Variants in LONP2 observed in about 807,000 individuals in gnomAD.
LONP2 encodes lon peptidase 2, peroxisomal, also known as lon protease homolog 2, peroxisomal.
Under a neutral mutation model 85.6 loss-of-function variants are expected in LONP2, and 60 were observed. The ratio of observed to expected loss-of-function variants is 0.70; its 90% CI spans 0.57 to 0.87. LONP2 has a LOEUF of 0.87. Ranked by LOEUF, LONP2 falls within the 40% of genes least tolerant of loss-of-function variation. The probability of loss-of-function intolerance (pLI) is 0.00; values close to 1 mark genes in which losing one functional copy is unlikely to be tolerated. For missense variants in LONP2, 860 were observed against 1,063.5 expected (o/e 0.81, Z 2.66); for synonymous variants, 395 against 389.7 (o/e 1.01, Z -0.16).
intron 8 of LONP2, among the ~76,000 whole-genome samples, chr16:48,293,138 A>T (rs1972590002): frequency 6.6e-6 from 1 of 152,074 alleles, no homozygotes; most frequent in Admixed American, 6.6e-5. Flanking sequence ...AAAGAATAGA[A>T]TTTTTTCCGG....
At chr16:48,272,810 T>C (rs1167398481) in intron 7 of LONP2, among the ~76,000 whole-genome samples, 1 of 152,178 alleles carries the variant, frequency 6.6e-6, no homozygotes, top group Non-Finnish European at 1.5e-5. Context: ...CCCCGTGAAT[T>C]ATTAAAGCCT....
intron 8 of LONP2, among the ~76,000 whole-genome samples, chr16:48,283,506 A>G (rs1972373837): frequency 6.6e-6 from 1 of 152,242 alleles, no homozygotes; most frequent in Admixed American, 6.5e-5. Context: ...AAGGCCCTTA[A>G]GAATGATGCA....
chr16:48,341,496 C>T (rs983759935), intron 12 of LONP2, among the ~76,000 whole-genome samples: 2 of 151,670 alleles, frequency 1.3e-5, no homozygotes, highest in East Asian at 1.9e-4. Flanking sequence ...CTCACTATTG[C>T]GAGGACGACA....
At chr16:48,310,509 G>T (rs1051259677) in intron 11 of LONP2, among the ~76,000 whole-genome samples, 1 of 152,006 alleles carries the variant, frequency 6.6e-6, no homozygotes, top group Non-Finnish European at 1.5e-5. Flanking sequence ...ATGCCACCAT[G>T]CCTGGCTAAT....
At chr16:48,254,532 T>G (rs1971718393) in intron 2 of LONP2, among the ~76,000 whole-genome samples, 1 of 151,336 alleles carries the variant, frequency 6.6e-6, no homozygotes, top group Admixed American at 6.6e-5. Flanking sequence ...CCCGGCTAAC[T>G]TTTTGTGTCT....
At position 48,355,199 on chromosome 16, in the gene LONP2, A is replaced by G. The variant is rs1355418161; in HGVS notation, c.*3397A>G. 1 of 152,074 alleles carries G rather than the reference A, an allele frequency of 6.6e-6. No individual in the cohort carries two copies. The highest frequency in any genetic ancestry group is 1.5e-5 in the Non-Finnish European group (1 of 68,034). The allele number at this position is 152,074 out of a possible 1,614,324, so 9.4% of individuals were successfully genotyped here. On this transcript the variant is annotated 3_prime_UTR_variant, in exon 15 of 15. Transcript: ENST00000285737. ...CTAGATCACATATGCTAAGGTCTGAATGTCCCCCCACCAAATTCGTATGTT... is the reference window on the plus strand; with the variant it reads ...CTAGATCACATATGCTAAGGTCTGAGTGTCCCCCCACCAAATTCGTATGTT...
At chr16:48,328,507 G>A (rs1057506711) in intron 11 of LONP2, among the ~76,000 whole-genome samples, 4 of 151,776 alleles carry the variant, frequency 2.6e-5, no homozygotes, top group Admixed American at 6.6e-5. Context: ...GTGAAACCCC[G>A]TCTCTACTAA....
intron 8 of LONP2, among the ~76,000 whole-genome samples, chr16:48,283,622 T>G (rs1419349744): frequency 6.6e-6 from 1 of 152,202 alleles, no homozygotes; most frequent in African/African-American, 2.4e-5. Flanking sequence ...CTGTTGAAAC[T>G]TACCGTTCAA....
At chr16:48,330,066 T>A (rs1203568786) in intron 11 of LONP2, among the ~76,000 whole-genome samples, 1 of 152,284 alleles carries the variant, frequency 6.6e-6, no homozygotes, top group Non-Finnish European at 1.5e-5. Flanking sequence ...CAGTTTATAC[T>A]TCTGTAAGCA....
At chr16:48,305,086 C>T (rs920404820) in intron 11 of LONP2, among the ~76,000 whole-genome samples, 1 of 152,206 alleles carries the variant, frequency 6.6e-6, no homozygotes, top group African/African-American at 2.4e-5. Flanking sequence ...ACCCCTGCCT[C>T]CCCACGCCTG....
chr16:48,296,821 G>A (rs1182111112), intron 9 of LONP2, among the ~76,000 whole-genome samples: 1 of 150,974 alleles, frequency 6.6e-6, no homozygotes, highest in Non-Finnish European at 1.5e-5. Context: ...TCTTGAATCT[G>A]TCAAATAGTT....
intron 8 of LONP2, among the ~76,000 whole-genome samples, chr16:48,290,639 TACAA>T (rs1972540851): frequency 6.6e-6 from 1 of 152,186 alleles, no homozygotes; most frequent in Admixed American, 6.5e-5. Context: ...TTTTAAAGAA[TACAA>T]ACAAACAGCA....
At chr16:48,316,830 T>C (rs1324556095) in intron 11 of LONP2, among the ~76,000 whole-genome samples, 2 of 152,238 alleles carry the variant, frequency 1.3e-5, no homozygotes, top group Non-Finnish European at 2.9e-5. Flanking sequence ...CCTTGATTTC[T>C]AGTTTTTTGT....
intron 12 of LONP2, among the ~76,000 whole-genome samples, chr16:48,337,371 A>G (rs1667903790): frequency 6.6e-6 from 1 of 152,198 alleles, no homozygotes; most frequent in South Asian, 2.1e-4. Context: ...GCTGGGCTCA[A>G]CTTGTTGACC....
intron 11 of LONP2, among the ~76,000 whole-genome samples, chr16:48,311,267 T>C (rs1436316308): frequency 2.0e-5 from 3 of 152,112 alleles, no homozygotes; most frequent in Non-Finnish European, 2.9e-5. Flanking sequence ...TGCTTTTTCT[T>C]CTCCTCTAGG....
intron 6 of LONP2, among the ~76,000 whole-genome samples, chr16:48,268,402 A>G (rs1489846678): frequency 1.3e-5 from 2 of 152,116 alleles, no homozygotes; most frequent in African/African-American, 2.4e-5. Flanking sequence ...TATAACAAGT[A>G]CCTTTTTAGG....
At chr16:48,257,951 A>G (rs539475907) in intron 3 of LONP2, among the ~76,000 whole-genome samples, 1 of 152,350 alleles carries the variant, frequency 6.6e-6, no homozygotes, top group South Asian at 2.1e-4. Context: ...TTTTGAACCT[A>G]TAATTTGTTT....
Position 48,353,573 on chromosome 16 carries a change from A to C in LONP2, c.*1771A>C, listed in dbSNP as rs1444614097. On this transcript the variant is annotated 3_prime_UTR_variant, in exon 15 of 15. Coordinates refer to ENST00000285737, the MANE Select transcript of LONP2 (RefSeq NM_031490.5). The stretch of plus-strand genomic sequence containing the variant: ...AGGCCTGCTGATAAAAGTTTATCTG[A>C]ATGCATTGAGAGGAAAAGTCCAGAC... The C allele has an allele frequency of 6.6e-6, 1 of 152,132 alleles. No individual in the cohort carries two copies. Among genetic ancestry groups the C allele is most frequent in the Non-Finnish European group, 1.5e-5 (1 of 68,060 alleles). 9.4% of individuals were successfully genotyped at this position (152,132 alleles called of 1,614,324 possible).
chr16:48,303,217 G>T lies in LONP2; in HGVS notation c.1707G>T (p.Gly569=), dbSNP rs1471773221. ...TTCGTTCTCTGGATAGAAAACTTGG[G>T]GCCATTTGCCGAGCTGTGGCCGTGA... ...AGVRSLDRKL[G]AICRAVAVKV... is the part of the protein sequence containing the mutation. The change falls in exon 11 of 15, where the codon GGG becomes GGT. Residue 569 remains glycine, a synonymous_variant. Coordinates refer to ENST00000285737, the MANE Select transcript of LONP2 (RefSeq NM_031490.5). The T allele has an allele frequency of 3.1e-6, 5 of 1,614,064 alleles. No individual in the cohort carries two copies. The highest frequency in any genetic ancestry group is 1.7e-4 in the Middle Eastern group (1 of 6,060).
Sources: allele counts gnomAD v4.1 joint callset (sites outside exome capture counted in the v4.1 genomes callset), GRCh38; gene constraint gnomAD v4.1.1; transcripts MANE v1.5; gene names NCBI Gene and HGNC (gene_info 2026-07-23, HGNC 2026-07-21).